CNNM4: variants seen among roughly 807,000 people sequenced by gnomAD.
CNNM4 encodes cyclin and CBS domain divalent metal cation transport mediator 4.
Under a neutral mutation model 53.7 loss-of-function variants are expected in CNNM4, and 32 were observed. That is an observed-to-expected ratio of 0.60 (90% CI 0.45 to 0.80). The LOEUF (loss-of-function observed/expected upper bound fraction) is 0.80. CNNM4 is among the 30% of genes least tolerant of loss of function. The pLI is 0.00. For missense variants in CNNM4, 784 were observed against 1,022.0 expected, an observed-to-expected ratio of 0.77 and a Z score of 3.17; for synonymous variants, 410 against 440.0, an observed-to-expected ratio of 0.93 and a Z score of 0.85.
intron 5 of CNNM4, among the ~76,000 whole-genome samples, chr2:96,806,533 A>ACACACG (rs1553479683): frequency 2.3e-4 from 32 of 138,606 alleles, no homozygotes; most frequent in Non-Finnish European, 3.7e-4. Flanking sequence ...ACACACACAC[A>ACACACG]CACGCGCGCG....
At chr2:96,769,545 CAG>C (rs1166911649) in intron 1 of CNNM4, among the ~76,000 whole-genome samples, 3 of 139,440 alleles carry the variant, frequency 2.2e-5, no homozygotes, top group Non-Finnish European at 3.1e-5. Flanking sequence ...GCCTGGGTGA[CAG>C]AGTGAGACTC....
Position 96,800,611 on chromosome 2 carries a change from C to T in CNNM4, c.1948+963C>T, listed in dbSNP as rs567679278. On this transcript the variant is annotated intron_variant, in intron 5 of 6. Coordinates refer to ENST00000377075, the MANE Select transcript of CNNM4 (RefSeq NM_020184.4). This position sits in a 1 kb window ranked among gnomAD's most constrained non-coding sequence, Gnocchi z 4.6. ...GCAGGGGACAGACAGGGCCCCAGAG[C>T]GGGGCTCTGAGCAGGTTAACCCTAT... 3.9e-5 allele frequency among the ~76,000 whole-genome samples: 6 copies of T among 152,346 alleles called. No homozygotes were observed. The highest frequency in any genetic ancestry group is 7.2e-5 in the African/African-American group (3 of 41,584).
At chr2:96,763,070 G>C (rs1181532290) in intron 1 of CNNM4, among the ~76,000 whole-genome samples, 1 of 152,142 alleles carries the variant, frequency 6.6e-6, no homozygotes, top group Non-Finnish European at 1.5e-5. Context: ...GCAGAATTGG[G>C]AGGTCTCTAA....
intron 1 of CNNM4, among the ~76,000 whole-genome samples, chr2:96,792,781 C>T (rs916051113): frequency 6.6e-5 from 10 of 151,468 alleles, no homozygotes; most frequent in Admixed American, 1.3e-4. Flanking sequence ...TCCAGCCTGG[C>T]GACAGAGCAA....
intron 1 of CNNM4, among the ~76,000 whole-genome samples, chr2:96,782,479 G>A (rs569735540): frequency 1.3e-5 from 2 of 151,156 alleles, no homozygotes; most frequent in South Asian, 2.1e-4. Flanking sequence ...TTGTTTTCCC[G>A]CTGTTAAACT....
intron 1 of CNNM4, among the ~76,000 whole-genome samples, chr2:96,788,070 G>A (rs1474949891): frequency 3.3e-5 from 5 of 152,008 alleles, no homozygotes; most frequent in Non-Finnish European, 5.9e-5. Context: ...TTACAGGCCT[G>A]TGCCACCATG....
At chr2:96,806,905 G>C (rs905484859) in intron 5 of CNNM4, among the ~76,000 whole-genome samples, 2 of 152,210 alleles carry the variant, frequency 1.3e-5, no homozygotes, top group African/African-American at 4.8e-5. Flanking sequence ...CATGAGAGGG[G>C]AGAAGCGCCT....
rs373431230 is a variant in CNNM4, at chr2:96,797,144, C to T, written c.1535C>T (p.Ser512Phe). 2 of 1,614,024 alleles carry T rather than the reference C, an allele frequency of 1.2e-6. No individual in the cohort carries two copies. Among genetic ancestry groups the T allele is most frequent in the Non-Finnish European group, 1.7e-6 (2 of 1,180,024 alleles). Residue 512 changes from serine to phenylalanine, a missense_variant, in exon 2 of 7, where the codon TCC becomes TTC. Around this residue, in one of 3 missense-constraint regions of CNNM4, gnomAD observed 307 missense variants for 376.3 expected, o/e 0.82. Coordinates refer to ENST00000377075, the MANE Select transcript of CNNM4 (RefSeq NM_020184.4). The surrounding 1 kb of genome is among the most constrained non-coding windows in gnomAD (Gnocchi z 6.0). ...EIIKSEILDE[S>F]DMYTDNRSRK... is the part of the protein sequence containing the mutation. ...ATCAAGTCGGAGATCCTGGACGAGT[C>T]CGACATGTACAGTGAGTCCAGCCTT...
intron 1 of CNNM4, among the ~76,000 whole-genome samples, chr2:96,765,268 G>A (rs966788444): frequency 1.3e-5 from 2 of 150,598 alleles, no homozygotes; most frequent in African/African-American, 2.4e-5. Context: ...CTGGGGTTAC[G>A]GGCATGTGCC....
intron 5 of CNNM4, among the ~76,000 whole-genome samples, chr2:96,802,770 C>T (rs557413965): frequency 1.1e-4 from 17 of 152,348 alleles, no homozygotes; most frequent in Admixed American, 2.6e-4. Flanking sequence ...AAGGCCAGTG[C>T]CATATGCTGC....
chr2:96,802,705 G>T (rs1480789427), intron 5 of CNNM4, among the ~76,000 whole-genome samples: 1 of 152,234 alleles, frequency 6.6e-6, no homozygotes, highest in East Asian at 1.9e-4. Context: ...TATTATTTCT[G>T]TTTTTTCCTG....
At chr2:96,774,030 G>A (rs1307691849) in intron 1 of CNNM4, among the ~76,000 whole-genome samples, 1 of 151,722 alleles carries the variant, frequency 6.6e-6, no homozygotes, top group Non-Finnish European at 1.5e-5. Context: ...AAGTGAAAGA[G>A]GAAATTCACC....
At chr2:96,805,616 C>G (rs1031752882) in intron 5 of CNNM4, among the ~76,000 whole-genome samples, 10 of 120,124 alleles carry the variant, frequency 8.3e-5, no homozygotes, top group Admixed American at 6.8e-4. Flanking sequence ...GTTTGTGTCC[C>G]TGATTACTTG....
chr2:96,802,198 C>T (rs966371670), intron 5 of CNNM4, among the ~76,000 whole-genome samples: 1 of 151,920 alleles, frequency 6.6e-6, no homozygotes, highest in Admixed American at 6.6e-5. Context: ...ATACCACACA[C>T]TGAAACACAC....
Position 96,801,509 on chromosome 2 carries a change from G to T in CNNM4, c.1948+1861G>T, listed in dbSNP as rs192758695. On this transcript the variant is annotated intron_variant, in intron 5 of 6. Transcript: ENST00000377075. This position sits in a 1 kb window ranked among gnomAD's most constrained non-coding sequence, Gnocchi z 5.6. ...CACACACAGAGACCACACACAGAGA[G>T]AGACCACACACAGAGATAGCACACA... is the stretch of plus-strand genomic sequence containing the variant. Among the ~76,000 whole-genome samples the T allele has an allele frequency of 4.5e-3, 668 of 147,404 alleles. 27 individuals carry two copies. The highest frequency in any genetic ancestry group is 0.039 in the Admixed American group (580 of 14,886).
chr2:96,787,169 A>G (rs1488463145), intron 1 of CNNM4, among the ~76,000 whole-genome samples: 1 of 152,168 alleles, frequency 6.6e-6, no homozygotes, highest in Admixed American at 6.5e-5. Flanking sequence ...TATTAAGGTC[A>G]CTTCCTAGGG....
intron 1 of CNNM4, among the ~76,000 whole-genome samples, chr2:96,766,186 T>C (rs2078817844): frequency 6.6e-6 from 1 of 151,524 alleles, no homozygotes; most frequent in Non-Finnish European, 1.5e-5. Context: ...GCTATTCTTG[T>C]GCCTCAGCCT....
chr2:96,765,027 T>G (rs1338847008), intron 1 of CNNM4, among the ~76,000 whole-genome samples: 1 of 27,268 alleles, frequency 3.7e-5, no homozygotes, highest in Non-Finnish European at 7.0e-5. Flanking sequence ...GGGAATGGTT[T>G]TTTTTTTTTT....
At chr2:96,764,737 C>T (rs1018773233) in intron 1 of CNNM4, among the ~76,000 whole-genome samples, 3 of 152,106 alleles carry the variant, frequency 2.0e-5, no homozygotes, top group Non-Finnish European at 4.4e-5. Flanking sequence ...CCTGTAATCC[C>T]AGCACTTTGG....
Sources: allele counts gnomAD v4.1 joint callset (sites outside exome capture counted in the v4.1 genomes callset), GRCh38; gene constraint gnomAD v4.1.1; regional missense constraint gnomAD v4.1.1; non-coding constraint Gnocchi (gnomAD v3.1); transcripts MANE v1.5; gene names NCBI Gene and HGNC (gene_info 2026-07-23, HGNC 2026-07-21).